The following CSMD1 variants were observed in gnomAD, a reference collection of about 807,000 sequenced individuals.
The protein encoded by CSMD1 is CUB and sushi domain-containing protein 1.
A neutral mutation model predicts 417.5 loss-of-function variants in CSMD1; 213 were observed. The observed-to-expected ratio is 0.51, with a 90% CI of 0.46 to 0.57. CSMD1 has a LOEUF of 0.57. Among genes scored for constraint, CSMD1 ranks in the 20% least tolerant of loss-of-function variants. CSMD1 has a pLI of 0.00. For missense variants in CSMD1, 6,923 were observed against 4,529.7 expected (o/e 1.53, Z -15.17); for synonymous variants, 2,862 against 1,736.8 (o/e 1.65, Z -16.11).
At chr8:3,838,646 T>G (rs1802869460) in intron 5 of CSMD1, among the ~76,000 whole-genome samples, 1 of 124,226 alleles carries the variant, frequency 8.0e-6, no homozygotes, top group South Asian at 2.3e-4. Context: ...AAATTAATAT[T>G]ATATAGTATA....
intron 6 of CSMD1, among the ~76,000 whole-genome samples, chr8:3,751,979 C>T (rs947425243): frequency 5.3e-5 from 8 of 152,080 alleles, no homozygotes; most frequent in African/African-American, 9.7e-5. Flanking sequence ...AAATCTGGTA[C>T]GGGATGGACA....
intron 57 of CSMD1, among the ~76,000 whole-genome samples, chr8:2,968,142 T>C (rs1211134451): frequency 6.6e-6 from 1 of 152,226 alleles, no homozygotes; most frequent in African/African-American, 2.4e-5. Context: ...AACTATACTA[T>C]ATATCAAAAT....
chr8:2,962,610 C>T lies in CSMD1; in HGVS notation c.9484G>A (p.Ala3162Thr), dbSNP rs747067226. ...CTTTTCCCACTAAGTCGCCCTTCTGCGGGGATGCCAGGGTCTCCGCAGAAC... is the reference window on the plus strand; with the variant it reads ...CTTTTCCCACTAAGTCGCCCTTCTGTGGGGATGCCAGGGTCTCCGCAGAAC... Reference protein sequence around the residue: ...PVFCGDPGIPAEGRLSGKSFT... With the variant: ...PVFCGDPGIPTEGRLSGKSFT... The change falls in exon 61 of 70, where the codon GCA becomes ACA. Residue 3162 changes from alanine (A) to threonine (T), a missense_variant. By Grantham distance (58) the Ala-to-Thr change is moderately conservative. Coordinates refer to ENST00000635120, the MANE Select transcript of CSMD1 (RefSeq NM_033225.6). The T allele has an allele frequency of 1.4e-5, 22 of 1,613,576 alleles. No homozygotes were observed. The highest frequency in any genetic ancestry group is 5.3e-5 in the African/African-American group (4 of 74,874).
chr8:3,906,608 G>C (rs996180651), intron 5 of CSMD1, among the ~76,000 whole-genome samples: 1 of 149,380 alleles, frequency 6.7e-6, no homozygotes, highest in African/African-American at 2.5e-5. Context: ...TAATACTCTA[G>C]AATCTAACAA....
chr8:4,817,553 C>G (rs75004039), intron 1 of CSMD1, among the ~76,000 whole-genome samples: 2,466 of 152,274 alleles, frequency 0.016, 55 homozygotes, highest in African/African-American at 0.056. Flanking sequence ...GTTTCCTTTT[C>G]AAAGTAAAAT....
intron 50 of CSMD1, among the ~76,000 whole-genome samples, chr8:3,034,144 T>C (rs1448523675): frequency 6.6e-6 from 1 of 152,224 alleles, no homozygotes; most frequent in Admixed American, 6.5e-5. Context: ...TTTACTCAAA[T>C]AAACTCTGCT....
At chr8:3,807,091 C>T (rs550546770) in intron 5 of CSMD1, among the ~76,000 whole-genome samples, 6 of 152,112 alleles carry the variant, frequency 3.9e-5, no homozygotes, top group African/African-American at 7.2e-5. Flanking sequence ...CCCCCACGCA[C>T]TGGGGGAAGG....
chr8:3,021,649 C>A (rs1453624349), intron 51 of CSMD1, among the ~76,000 whole-genome samples: 1 of 152,200 alleles, frequency 6.6e-6, no homozygotes, highest in East Asian at 1.9e-4. Context: ...AATCCCAAAG[C>A]CTCCGGAATG....
At chr8:4,911,985 A>G (rs546880135) in intron 1 of CSMD1, among the ~76,000 whole-genome samples, 13 of 152,138 alleles carry the variant, frequency 8.5e-5, no homozygotes, top group African/African-American at 3.1e-4. Flanking sequence ...ATTTCTCCAC[A>G]AGAAGTACGT....
chr8:3,797,473 C>A (rs1800222422), intron 5 of CSMD1, among the ~76,000 whole-genome samples: 1 of 151,802 alleles, frequency 6.6e-6, no homozygotes, highest in African/African-American at 2.4e-5. Flanking sequence ...GGTTTTATTA[C>A]CATAAATTCA....
At chr8:4,931,765 A>G (rs1350536211) in intron 1 of CSMD1, among the ~76,000 whole-genome samples, 1 of 152,242 alleles carries the variant, frequency 6.6e-6, no homozygotes, top group Non-Finnish European at 1.5e-5. Flanking sequence ...GAGAATGGCT[A>G]CCACAGAAAG....
rs975687129 is a variant in CSMD1, at chr8:3,507,369, G to T, written c.1345-13643C>A. On this transcript the variant is annotated intron_variant, in intron 10 of 69. Coordinates refer to ENST00000635120, the MANE Select transcript of CSMD1 (RefSeq NM_033225.6). ...TTATGGCAGCACAGTATTACATGAT[G>T]TATTTGTGCCACATTTTCCTAATCC... Among the ~76,000 whole-genome samples, 12 of 152,260 alleles carry T rather than the reference G, an allele frequency of 7.9e-5. No individual in the cohort carries two copies. In the East Asian group the frequency reaches 2.1e-3, roughly 27 times the overall value.
In CSMD1 at chr8:4,793,726, G is replaced by T. The variant is rs145902764; in HGVS notation, c.86-156168C>A. On this transcript the variant is annotated intron_variant, in intron 1 of 69. Coordinates refer to ENST00000635120, the MANE Select transcript of CSMD1 (RefSeq NM_033225.6). ...GGAGGCCAAATCTTCTTTTACAGGG[G>T]AAATGACATTCATTGGGATGTGGAC... is the stretch of plus-strand genomic sequence containing the variant. Among the ~76,000 whole-genome samples the T allele has an allele frequency of 9.2e-4, 139 of 151,554 alleles. 1 individual carries two copies. The highest frequency in any genetic ancestry group is 3.2e-3 in the African/African-American group (134 of 41,274).
chr8:4,720,166 T>A (rs1808960137), intron 1 of CSMD1, among the ~76,000 whole-genome samples: 1 of 94,094 alleles, frequency 1.1e-5, no homozygotes, highest in Admixed American at 1.4e-4. Flanking sequence ...TACATACATA[T>A]AACATATATA....
chr8:4,174,505 A>G (rs796936265), intron 3 of CSMD1, among the ~76,000 whole-genome samples: 5 of 151,490 alleles, frequency 3.3e-5, no homozygotes, highest in African/African-American at 9.7e-5. Flanking sequence ...AACTATGGGT[A>G]TATATAATAA....
At chr8:4,945,192 G>C (rs1177801051) in intron 1 of CSMD1, among the ~76,000 whole-genome samples, 1 of 152,156 alleles carries the variant, frequency 6.6e-6, no homozygotes, top group Non-Finnish European at 1.5e-5. Flanking sequence ...GGTTTGTAGA[G>C]CAGTGAAATC....
At position 4,920,974 on chromosome 8, in the gene CSMD1, G is replaced by GA. The variant is rs370123237; in HGVS notation, c.85+73357dup. On this transcript the variant is annotated intron_variant, in intron 1 of 69. Coordinates refer to ENST00000635120, the MANE Select transcript of CSMD1 (RefSeq NM_033225.6). ...AGAAAGAAAGAAAGAAAGAAAGAAA[G>GA]AAAGAAACAAAGAAAGAAAGAAAAG... 1.5e-3 allele frequency among the ~76,000 whole-genome samples: 39 copies of GA among 25,936 alleles called. 4 individuals are homozygous for GA. The highest frequency in any genetic ancestry group is 6.4e-3 in the South Asian group (4 of 622). The allele number at this position is 25,936 out of a possible 152,430, so 17.0% of individuals were successfully genotyped here. A position where few individuals can be genotyped will look rare whatever the true frequency, so the allele number is the denominator to read the frequency against.
chr8:4,173,927 T>C (rs1013207644), intron 3 of CSMD1, among the ~76,000 whole-genome samples: 1 of 152,120 alleles, frequency 6.6e-6, no homozygotes, highest in Admixed American at 6.5e-5. Flanking sequence ...GGGTATGAAC[T>C]AGCTTCTTCC....
intron 3 of CSMD1, among the ~76,000 whole-genome samples, chr8:4,242,034 T>G (rs1802435725): frequency 2.0e-5 from 3 of 152,172 alleles, no homozygotes; most frequent in African/African-American, 7.2e-5. Flanking sequence ...TTTAATACCT[T>G]TTGACTTTGT....
Sources: gnomAD v4.1 joint callset for allele counts (sites outside exome capture counted in the v4.1 genomes callset) on GRCh38, gnomAD v4.1.1 for gene constraint, MANE v1.5 for transcripts, NCBI Gene and HGNC (gene_info 2026-07-23, HGNC 2026-07-21) for gene names.